The following STK3 variants were observed in gnomAD, a reference collection of about 807,000 sequenced individuals.
The protein encoded by STK3 is serine/threonine kinase 3.
In STK3, 41 loss-of-function variants were observed where a neutral mutation model predicts 58.0. The ratio of observed to expected loss-of-function variants is 0.71; its 90% CI spans 0.55 to 0.92. The LOEUF (loss-of-function observed/expected upper bound fraction) is 0.92. Among genes scored for constraint, STK3 ranks in the 40% least tolerant of loss-of-function variants. The pLI, the probability that STK3 is intolerant of heterozygous loss-of-function variation, is 0.00. For synonymous variants in STK3, 170 were observed against 191.0 expected (o/e 0.89, Z 0.91); for missense variants, 479 against 602.7 (o/e 0.79, Z 2.15).
chr8:98,534,161 T>C (rs1368340798), intron 9 of STK3, among the ~76,000 whole-genome samples: 4 of 152,050 alleles, frequency 2.6e-5, no homozygotes, highest in Non-Finnish European at 5.9e-5. Flanking sequence ...AGTGGAAAAA[T>C]AGAAAAAGAC....
chr8:98,379,383 T>G (rs1803332184), intron 1 of STK3, among the ~76,000 whole-genome samples: 1 of 152,258 alleles, frequency 6.6e-6, no homozygotes, highest in Non-Finnish European at 1.5e-5. Context: ...GCACGTTTCT[T>G]TTCAGGCTCT....
chr8:98,720,665 G>A (rs1017630975), intron 4 of STK3, among the ~76,000 whole-genome samples: 1 of 151,092 alleles, frequency 6.6e-6, no homozygotes, highest in African/African-American at 2.4e-5. Context: ...GCAGGAGAAT[G>A]GCATGAACCC....
intron 8 of STK3, among the ~76,000 whole-genome samples, chr8:98,576,739 C>T (rs992126828): frequency 5.9e-5 from 9 of 151,976 alleles, no homozygotes; most frequent in Admixed American, 1.3e-4. Flanking sequence ...GATGCTGTAC[C>T]CTGAAACTTT....
At chr8:98,600,726 G>GA (rs571411954) in intron 6 of STK3, among the ~76,000 whole-genome samples, 4 of 149,504 alleles carry the variant, frequency 2.7e-5, no homozygotes, top group South Asian at 4.2e-4. Flanking sequence ...GAAAACTGAA[G>GA]AAAAAAAAAG....
intron 6 of STK3, among the ~76,000 whole-genome samples, chr8:98,687,856 A>C (rs1745963383): frequency 1.3e-5 from 2 of 152,190 alleles, no homozygotes; most frequent in African/African-American, 4.8e-5. Flanking sequence ...AGACTCTATA[A>C]AGCAACTATA....
chr8:98,628,092 T>C (rs572927059), intron 6 of STK3, among the ~76,000 whole-genome samples: 6 of 152,360 alleles, frequency 3.9e-5, no homozygotes, highest in African/African-American at 1.4e-4. Context: ...ATCTGTTTTA[T>C]ATCTGTGTAA....
chr8:98,515,066 AT>A (rs1375939078), intron 10 of STK3, among the ~76,000 whole-genome samples: 1 of 152,116 alleles, frequency 6.6e-6, no homozygotes, highest in Non-Finnish European at 1.5e-5. Flanking sequence ...GATTTCTTGA[AT>A]GTAGACTCTC....
At chr8:98,612,282 C>T (rs1203300743) in intron 6 of STK3, among the ~76,000 whole-genome samples, 1 of 150,374 alleles carries the variant, frequency 6.7e-6, no homozygotes, top group East Asian at 1.9e-4. Context: ...CCAGACTGGG[C>T]ACAGTGGCTC....
intron 6 of STK3, among the ~76,000 whole-genome samples, chr8:98,636,355 A>G (rs1819619043): frequency 6.6e-6 from 1 of 152,146 alleles, no homozygotes; most frequent in Non-Finnish European, 1.5e-5. Context: ...GATTTTTCTA[A>G]GTACTAATGT....
chr8:98,623,568 G>C (rs1818490140), intron 6 of STK3, among the ~76,000 whole-genome samples: 3 of 152,128 alleles, frequency 2.0e-5, no homozygotes, highest in Admixed American at 1.3e-4. Context: ...CAGATCACTG[G>C]AGCCCAGGAG....
At chr8:98,727,180 T>C (rs150522106) in intron 4 of STK3, among the ~76,000 whole-genome samples, 1 of 152,278 alleles carries the variant, frequency 6.6e-6, no homozygotes, top group East Asian at 1.9e-4. Flanking sequence ...AATCACATTG[T>C]AATGGCCACA....
intron 8 of STK3, among the ~76,000 whole-genome samples, chr8:98,568,078 T>C (rs1447216535): frequency 1.3e-5 from 2 of 151,358 alleles, no homozygotes; most frequent in Admixed American, 1.3e-4. Context: ...GATAGATAGA[T>C]AGATAGATAG....
At chr8:98,470,482 C>G (rs552978238) in intron 10 of STK3, among the ~76,000 whole-genome samples, 1 of 152,220 alleles carries the variant, frequency 6.6e-6, no homozygotes, top group Non-Finnish European at 1.5e-5. Flanking sequence ...CACCCGTACT[C>G]AGTACAAGGC....
At chr8:98,766,951 A>T (rs1426248942) in intron 3 of STK3, among the ~76,000 whole-genome samples, 4 of 152,060 alleles carry the variant, frequency 2.6e-5, no homozygotes, top group Non-Finnish European at 4.4e-5. Flanking sequence ...GGAGAAACCC[A>T]TCTCTACTAA....
chr8:98,614,329 A>C (rs1817469358), intron 6 of STK3, among the ~76,000 whole-genome samples: 1 of 152,214 alleles, frequency 6.6e-6, no homozygotes, highest in Non-Finnish European at 1.5e-5. Context: ...TAGAGTCTCC[A>C]AGCACAATGG....
chr8:98,782,585 G>A (rs554277523), intron 1 of STK3: 32 of 295,908 alleles, frequency 1.1e-4, no homozygotes, highest in African/African-American at 5.7e-4. Flanking sequence ...CAAGAAGGAA[G>A]AGAGCATCAA....
At chr8:98,582,218 AC>A (rs1259198357) in intron 7 of STK3, among the ~76,000 whole-genome samples, 3 of 152,112 alleles carry the variant, frequency 2.0e-5, no homozygotes, top group Non-Finnish European at 4.4e-5. Context: ...TATTTTAGAC[AC>A]ATTTAGAAAT....
intron 10 of STK3, among the ~76,000 whole-genome samples, chr8:98,508,718 C>T (rs948863247): frequency 6.6e-6 from 1 of 151,898 alleles, no homozygotes; most frequent in African/African-American, 2.4e-5. Context: ...AGAAATAAAA[C>T]AATTTTGGGG....
At chr8:98,892,506 A>C (rs1236203049) in intron 1 of STK3, among the ~76,000 whole-genome samples, 1 of 152,130 alleles carries the variant, frequency 6.6e-6, no homozygotes, top group African/African-American at 2.4e-5. Flanking sequence ...GCCATGGCTG[A>C]CCACTGTGGG....
Sources: gnomAD v4.1 joint callset for allele counts (sites outside exome capture counted in the v4.1 genomes callset) on GRCh38, gnomAD v4.1.1 for gene constraint, MANE v1.5 for transcripts, NCBI Gene and HGNC (gene_info 2026-07-23, HGNC 2026-07-21) for gene names.